EBF1: variants seen among roughly 807,000 people sequenced by gnomAD.
EBF1 encodes the protein transcription factor COE1.
In EBF1, 10 loss-of-function variants were observed where a neutral mutation model predicts 68.4. The ratio of observed to expected loss-of-function variants is 0.15; its 90% CI spans 0.09 to 0.25. The LOEUF is 0.25. Ranked by LOEUF, EBF1 falls within the 10% of genes least tolerant of loss-of-function variation. EBF1 has a pLI of 1.00. For missense variants in EBF1, 509 were observed against 794.4 expected, an observed-to-expected ratio of 0.64 and a Z score of 4.32; for synonymous variants, 298 against 299.8, an observed-to-expected ratio of 0.99 and a Z score of 0.06.
rs536748988 is a variant in EBF1 at position 159,028,029 on chromosome 5, G to A, written c.554+45367C>T. 5.9e-5 allele frequency among the ~76,000 whole-genome samples: 9 copies of A among 152,288 alleles called. No homozygotes were observed. In the South Asian group the frequency reaches 1.9e-3, roughly 32 times the overall value. ...TAAATAAGAGTTTCTATTATTAAAA[G>A]CAGGTTGAAGTTGGGGCTTTGTGCA... On this transcript the variant is annotated intron_variant, in intron 6 of 15. Coordinates refer to ENST00000313708, the MANE Select transcript of EBF1 (RefSeq NM_024007.5).
intron 6 of EBF1, among the ~76,000 whole-genome samples, chr5:158,852,089 A>AGGGGGGGGG (rs1793049558): frequency 8.7e-6 from 1 of 115,308 alleles, no homozygotes. Flanking sequence ...GAGGGGAGGG[A>AGGGGGGGGG]AGGGGTTCTT....
At chr5:159,050,591 T>C (rs1417015645) in intron 6 of EBF1, among the ~76,000 whole-genome samples, 2 of 152,186 alleles carry the variant, frequency 1.3e-5, no homozygotes. Context: ...CTCAGAACTT[T>C]GGTCAACTGT....
Position 158,696,706 on chromosome 5 carries a change from C to T in EBF1, c.*2405G>A. ...AGCTTTCCTCCCTCCCCTACCCTCC[C>T]ACAACTCCCCTCCCCCACCCACCCC... On this transcript the variant is annotated 3_prime_UTR_variant, in exon 16 of 16. Coordinates refer to ENST00000313708, the MANE Select transcript of EBF1 (RefSeq NM_024007.5). 2 of 191,104 alleles carry T rather than the reference C, an allele frequency of 1.0e-5. No homozygotes were observed. Among genetic ancestry groups the T allele is most frequent in the Non-Finnish European group, 2.2e-5 (2 of 92,060 alleles). The allele number at this position is 191,104 out of a possible 1,614,324, so 11.8% of individuals were successfully genotyped here. A position where few individuals can be genotyped will look rare whatever the true frequency, so the allele number is the denominator to read the frequency against.
intron 6 of EBF1, among the ~76,000 whole-genome samples, chr5:159,007,162 A>G (rs1302225978): frequency 6.6e-6 from 1 of 152,166 alleles, no homozygotes; most frequent in African/African-American, 2.4e-5. Flanking sequence ...TAAATAAGTC[A>G]TTGTTGGCAA....
chr5:158,791,266 C>T (rs1778543731), intron 9 of EBF1, among the ~76,000 whole-genome samples: 1 of 145,976 alleles, frequency 6.9e-6, no homozygotes, highest in Non-Finnish European at 1.5e-5. Context: ...TTGCAGTGGG[C>T]TGAGACCATG....
Position 159,095,666 on chromosome 5 carries a change from G to A in EBF1, c.365C>T (p.Thr122Met), listed in dbSNP as rs201413959. 4.3e-6 allele frequency: 7 copies of A among 1,614,010 alleles called. No individual in the cohort carries two copies. The East Asian group carries it at 8.9e-5, about 21-fold the overall frequency. The change falls in exon 4 of 16, where the codon ACG becomes ATG. Residue 122 changes from threonine to methionine, a missense_variant. By Grantham distance (81) the Thr-to-Met change is moderately conservative (BLOSUM62 -1). Around this residue, in one of 3 missense-constraint regions of EBF1, gnomAD observed 230 missense variants for 467.7 expected, o/e 0.49. Transcript: ENST00000313708. Reference sequence around the variant, plus strand: ...GAGGCGCACGTAGAAATCCTGCTCCGTCCTTATCCCTAGGGTTGGAAATGG... The same window carrying A: ...GAGGCGCACGTAGAAATCCTGCTCCATCCTTATCCCTAGGGTTGGAAATGG... ...LQLLYSNGIR[T>M]EQDFYVRLID...
At chr5:158,956,921 G>A (rs1172566032) in intron 6 of EBF1, among the ~76,000 whole-genome samples, 1 of 152,068 alleles carries the variant, frequency 6.6e-6, no homozygotes, top group African/African-American at 2.4e-5. Flanking sequence ...ACCACGCCCA[G>A]CTAATTTTTT....
chr5:158,846,864 G>C (rs1355703229), intron 6 of EBF1, among the ~76,000 whole-genome samples: 1 of 152,130 alleles, frequency 6.6e-6, no homozygotes, highest in South Asian at 2.1e-4. Flanking sequence ...GACCCTCTTT[G>C]ACTTAAGCAC....
intron 6 of EBF1, among the ~76,000 whole-genome samples, chr5:158,953,635 A>G (rs1354292475): frequency 6.6e-6 from 1 of 152,218 alleles, no homozygotes; most frequent in Non-Finnish European, 1.5e-5. Flanking sequence ...CAGTTTGGAA[A>G]GATAAAATGG....
intron 6 of EBF1, among the ~76,000 whole-genome samples, chr5:158,908,108 GA>G (rs1161904858): frequency 1.3e-5 from 2 of 152,128 alleles, no homozygotes; most frequent in Non-Finnish European, 2.9e-5. Flanking sequence ...CATAAATCCT[GA>G]AAAGACTTGT....
intron 10 of EBF1, among the ~76,000 whole-genome samples, chr5:158,743,295 T>C (rs1456668376): frequency 1.3e-5 from 2 of 152,150 alleles, no homozygotes; most frequent in African/African-American, 2.4e-5. Context: ...TTCCAGGCAA[T>C]AGGAACAGAA....
intron 6 of EBF1, among the ~76,000 whole-genome samples, chr5:158,931,846 C>T (rs554494074): frequency 2.0e-5 from 3 of 152,294 alleles, no homozygotes; most frequent in South Asian, 4.2e-4. Context: ...TACTCATCTA[C>T]AAATTAATGG....
intron 8 of EBF1, among the ~76,000 whole-genome samples, chr5:158,806,614 A>C (rs947280535): frequency 2.6e-5 from 4 of 152,192 alleles, no homozygotes; most frequent in African/African-American, 9.6e-5. Flanking sequence ...TTTAGGGGAC[A>C]GAGAACAGTC....
chr5:159,056,138 A>G (rs970462394), intron 6 of EBF1, among the ~76,000 whole-genome samples: 23 of 152,340 alleles, frequency 1.5e-4, no homozygotes, highest in Middle Eastern at 3.4e-3. Flanking sequence ...TGAATGATTT[A>G]TGACAATTTG....
At chr5:158,781,348 T>G (rs1427098475) in intron 9 of EBF1, among the ~76,000 whole-genome samples, 1 of 152,192 alleles carries the variant, frequency 6.6e-6, no homozygotes, top group Non-Finnish European at 1.5e-5. Flanking sequence ...TGTAGAAATA[T>G]CACAAGTTTT....
chr5:158,839,128 T>C (rs1250256623), intron 7 of EBF1, among the ~76,000 whole-genome samples: 2 of 152,248 alleles, frequency 1.3e-5, no homozygotes, highest in Admixed American at 1.3e-4. Context: ...GTCTTAGAAG[T>C]AAATGAATTT....
At chr5:158,720,169 G>T (rs1300725958) in intron 11 of EBF1, among the ~76,000 whole-genome samples, 1 of 152,032 alleles carries the variant, frequency 6.6e-6, no homozygotes, top group Non-Finnish European at 1.5e-5. Context: ...TGATTTCACT[G>T]CCTTCCTTCG....
intron 6 of EBF1, among the ~76,000 whole-genome samples, chr5:158,906,694 C>T: frequency 6.6e-6 from 1 of 152,208 alleles, no homozygotes; most frequent in East Asian, 1.9e-4. Context: ...TATTGAGTAA[C>T]TTGCCCAACC....
chr5:158,771,783 C>T (rs573582671), intron 10 of EBF1, among the ~76,000 whole-genome samples: 42 of 152,166 alleles, frequency 2.8e-4, no homozygotes, highest in African/African-American at 9.1e-4. Context: ...AAAGTCAGTC[C>T]GACTGACTCA....
Sources: gnomAD v4.1 joint callset for allele counts (sites outside exome capture counted in the v4.1 genomes callset) on GRCh38, gnomAD v4.1.1 for gene constraint, gnomAD v4.1.1 regional missense constraint, MANE v1.5 for transcripts, NCBI Gene and HGNC (gene_info 2026-07-23, HGNC 2026-07-21) for gene names.